Variants in PKHD1 observed in about 807,000 individuals in gnomAD.
The protein encoded by PKHD1 is fibrocystin.
A neutral mutation model predicts 412.0 loss-of-function variants in PKHD1; 291 were observed. The observed-to-expected ratio is 0.71, with a 90% CI of 0.64 to 0.78. The LOEUF (loss-of-function observed/expected upper bound fraction) is 0.78. Ranked by LOEUF, PKHD1 falls within the 30% of genes least tolerant of loss-of-function variation. The pLI, the probability that PKHD1 is intolerant of heterozygous loss-of-function variation, is 0.00. For missense variants in PKHD1, 4,825 were observed against 4,950.7 expected (o/e 0.97, Z 0.76); for synonymous variants, 1,777 against 1,821.5 (o/e 0.98, Z 0.62).
At chr6:52,082,317 T>C (rs1042594345) in intron 4 of PKHD1, 75 bp downstream of exon 4, 6 of 1,473,742 alleles carry the variant, frequency 4.1e-6, no homozygotes, top group East Asian at 2.3e-5. Context: ...ATTGCTCTAA[T>C]ATGTCACCAA....
At chr6:52,085,639 C>A (rs1812669257) in intron 1 of PKHD1, among the ~76,000 whole-genome samples, 1 of 152,200 alleles carries the variant, frequency 6.6e-6, no homozygotes. Flanking sequence ...TGCTGTAGAG[C>A]CTAGACCAGA....
chr6:52,069,093 A>T (rs1810189369), intron 11 of PKHD1, among the ~76,000 whole-genome samples: 1 of 152,236 alleles, frequency 6.6e-6, no homozygotes, highest in Admixed American at 6.5e-5. Context: ...GTCATAAATT[A>T]TTGAATGAAT....
Position 52,058,507 on chromosome 6 carries a change from T to C in PKHD1, c.1328A>G (p.Lys443Arg), listed in dbSNP as rs1554217772. 1.7e-5 allele frequency: 28 copies of C among 1,614,162 alleles called. No homozygotes were observed. Among genetic ancestry groups the C allele is most frequent in the Non-Finnish European group, 2.4e-5 (28 of 1,180,020 alleles). The change falls in exon 16 of 67, where the codon AAG (lysine) becomes AGG (arginine). Residue 443 changes from lysine (K) to arginine (R), a missense_variant. By Grantham distance (26) the Lys-to-Arg change is conservative. Transcript: ENST00000371117. Reference protein sequence around the residue: ...DEGTWQQKTPKLELLGGAMYY... With the variant: ...DEGTWQQKTPRLELLGGAMYY... ...CATGGCTCCACCCAACAGCTCCAAC[T>C]TGGGAGTCTTCTGCTGCCAGGTCCC...
chr6:52,032,452 C>A (rs986387197), intron 29 of PKHD1, among the ~76,000 whole-genome samples: 4 of 152,070 alleles, frequency 2.6e-5, no homozygotes, highest in African/African-American at 7.2e-5. Context: ...TATTTTTATA[C>A]GTAGAATGTC....
In PKHD1 at chr6:52,060,199, T is replaced by C. The variant is rs1301135272; in HGVS notation, c.1119-157A>G. ...TTGTCCAGAATATTCTAGAAAGAGA[T>C]ATAGCACCTGCCTAGTCTCAGTAGC... is the stretch of plus-strand genomic sequence containing the variant. On this transcript the variant is annotated intron_variant, in intron 14 of 66. Coordinates refer to ENST00000371117, the MANE Select transcript of PKHD1 (RefSeq NM_138694.4). Among the ~76,000 whole-genome samples the C allele has an allele frequency of 3.3e-5, 5 of 152,308 alleles. No homozygotes were observed. In the East Asian group the frequency reaches 7.7e-4, roughly 23 times the overall value.
At chr6:51,806,695 G>A (rs1286035405) in intron 52 of PKHD1, among the ~76,000 whole-genome samples, 2 of 151,514 alleles carry the variant, frequency 1.3e-5, no homozygotes, top group Non-Finnish European at 2.9e-5. Flanking sequence ...ATAGATGAGG[G>A]TTTTTTTTTA....
intron 22 of PKHD1, 32 bp downstream of exon 22, chr6:52,050,125 G>C (rs200787641): frequency 6.2e-7 from 1 of 1,610,672 alleles, no homozygotes; most frequent in Non-Finnish European, 8.5e-7. Context: ...ATTCTTAGGA[G>C]AAGGGACAGG....
At chr6:51,952,998 T>C (rs903085859) in intron 36 of PKHD1, among the ~76,000 whole-genome samples, 1 of 152,136 alleles carries the variant, frequency 6.6e-6, no homozygotes, top group African/African-American at 2.4e-5. Flanking sequence ...GTGCATTGAT[T>C]TGAGGACCAG....
chr6:52,027,618 T>G (rs943247236), intron 31 of PKHD1, among the ~76,000 whole-genome samples: 2 of 149,790 alleles, frequency 1.3e-5, no homozygotes. Context: ...CATCTCCTTG[T>G]CATAAAAATT....
chr6:51,718,862 C>T (rs1026801628), intron 60 of PKHD1, among the ~76,000 whole-genome samples: 2 of 152,274 alleles, frequency 1.3e-5, no homozygotes, highest in South Asian at 2.1e-4. Flanking sequence ...GAGCAATCAT[C>T]ATGCGTTCAG....
chr6:51,989,827 T>G lies in PKHD1; in HGVS notation c.5751+20482A>C, dbSNP rs184776680. On this transcript the variant is annotated intron_variant, in intron 35 of 66. Coordinates refer to ENST00000371117, the MANE Select transcript of PKHD1 (RefSeq NM_138694.4). ...GTAATAACTCAAGGTCTGTCTTAAT[T>G]TTTTTTAAACCAGAGGAAATGAAGG... is the stretch of plus-strand genomic sequence containing the variant. 9.4e-3 allele frequency among the ~76,000 whole-genome samples: 1,310 copies of G among 139,554 alleles called. 8 individuals are homozygous for G. The highest frequency in any genetic ancestry group is 0.014 in the Non-Finnish European group (939 of 66,024). The allele number at this position is 139,554 out of a possible 152,430, so 91.6% of individuals were successfully genotyped here.
intron 46 of PKHD1, among the ~76,000 whole-genome samples, chr6:51,882,535 G>A (rs568272104): frequency 1.3e-5 from 2 of 152,282 alleles, no homozygotes; most frequent in African/African-American, 4.8e-5. Flanking sequence ...ATAATGATGT[G>A]ATGACTAGTA....
chr6:51,760,393 A>C (rs1787796688), intron 55 of PKHD1, among the ~76,000 whole-genome samples: 1 of 152,154 alleles, frequency 6.6e-6, no homozygotes. Flanking sequence ...CAGGACACAC[A>C]AATGTTAAAC....
At chr6:51,690,363 AT>A (rs1409771579) in intron 60 of PKHD1, among the ~76,000 whole-genome samples, 1 of 152,074 alleles carries the variant, frequency 6.6e-6, no homozygotes, top group African/African-American at 2.4e-5. Flanking sequence ...AGCCAAGACA[AT>A]CCTAAGCAAA....
intron 61 of PKHD1, among the ~76,000 whole-genome samples, chr6:51,652,920 T>C (rs969325855): frequency 1.3e-5 from 2 of 152,282 alleles, no homozygotes; most frequent in Non-Finnish European, 2.9e-5. Flanking sequence ...CCAAATATTC[T>C]ATATGTGCCA....
chr6:51,753,717 A>T (rs1562236616), intron 56 of PKHD1, among the ~76,000 whole-genome samples: 1 of 152,134 alleles, frequency 6.6e-6, no homozygotes, highest in South Asian at 2.1e-4. Flanking sequence ...TGGGTTGTAC[A>T]TTGTCCGTGG....
intron 36 of PKHD1, among the ~76,000 whole-genome samples, chr6:51,953,808 A>G (rs2127904855): frequency 6.6e-6 from 1 of 152,196 alleles, no homozygotes; most frequent in East Asian, 1.9e-4. Context: ...ACTGTGAACT[A>G]AAAAACAGTT....
At chr6:51,976,952 A>AAAAAAAAAAAAAAAAC (rs1258338371) in intron 35 of PKHD1, among the ~76,000 whole-genome samples, 3 of 151,664 alleles carry the variant, frequency 2.0e-5, no homozygotes, top group African/African-American at 7.3e-5. Flanking sequence ...CATAAAAAAA[A>AAAAAAAAAAAAAAAAC]AAAAAAAAAA....
At chr6:52,063,433 A>G (rs1232976343) in intron 13 of PKHD1, among the ~76,000 whole-genome samples, 1 of 152,220 alleles carries the variant, frequency 6.6e-6, no homozygotes, top group Non-Finnish European at 1.5e-5. Context: ...ATATATACTC[A>G]AAGAGCCTGG....
Sources: gnomAD v4.1 joint callset for allele counts (sites outside exome capture counted in the v4.1 genomes callset) on GRCh38, gnomAD v4.1.1 for gene constraint, MANE v1.5 for transcripts, NCBI Gene and HGNC (gene_info 2026-07-23, HGNC 2026-07-21) for gene names.